The following SIRT1 variants were observed in gnomAD, a reference collection of about 807,000 sequenced individuals.
SIRT1 encodes NAD-dependent protein deacetylase sirtuin-1.
Under a neutral mutation model 67.9 loss-of-function variants are expected in SIRT1, and 24 were observed. The observed-to-expected ratio is 0.35, with a 90% CI of 0.26 to 0.50. SIRT1 has a LOEUF of 0.50. SIRT1 is among the 20% of genes least tolerant of loss of function. The probability of loss-of-function intolerance (pLI) is 0.98; values close to 1 mark genes in which losing one functional copy is unlikely to be tolerated. For synonymous variants in SIRT1, 378 were observed against 350.7 expected, an observed-to-expected ratio of 1.08 and a Z score of -0.87; for missense variants, 873 against 937.2, an observed-to-expected ratio of 0.93 and a Z score of 0.89.
chr10:67,913,488 C>A (rs7091896), intron 8 of SIRT1, among the ~76,000 whole-genome samples: 2 of 151,986 alleles, frequency 1.3e-5, no homozygotes, highest in African/African-American at 2.4e-5. Context: ...GAGCCTGCCC[C>A]CTTAACTACT....
At chr10:67,910,546 A>T (rs1842883132) in intron 7 of SIRT1, among the ~76,000 whole-genome samples, 1 of 152,122 alleles carries the variant, frequency 6.6e-6, no homozygotes, top group African/African-American at 2.4e-5. Context: ...ATATTTTTTG[A>T]TTACAGTTTT....
chr10:67,907,731 AG>A (rs1842842915), intron 5 of SIRT1, among the ~76,000 whole-genome samples: 1 of 152,170 alleles, frequency 6.6e-6, no homozygotes, highest in South Asian at 2.1e-4. Context: ...GCAGGATTTT[AG>A]CCCTGGAGGA....
In SIRT1 at chr10:67,918,389, T is replaced by G. The variant is rs1373664767; in HGVS notation, c.*1796T>G. 2 of 152,644 alleles carry G rather than the reference T, an allele frequency of 1.3e-5. No homozygotes were observed. The highest frequency in any genetic ancestry group is 1.5e-5 in the Non-Finnish European group (1 of 68,042). 9.5% of individuals were successfully genotyped at this position (152,644 alleles called of 1,614,324 possible). On this transcript the variant is annotated 3_prime_UTR_variant, in exon 9 of 9. Coordinates refer to ENST00000212015, the MANE Select transcript of SIRT1 (RefSeq NM_012238.5). The stretch of plus-strand genomic sequence containing the variant: ...GTCATTTGACTTTTTTCTGTTAACT[T>G]ACATTGTTTAAGGTATATAATTTTT...
At chr10:67,903,609 G>A (rs1446337548) in intron 4 of SIRT1, among the ~76,000 whole-genome samples, 1 of 151,934 alleles carries the variant, frequency 6.6e-6, no homozygotes, top group Non-Finnish European at 1.5e-5. Flanking sequence ...GGATGGTCTC[G>A]ATCTTCTGAC....
At chr10:67,910,779 ATTTC>A (rs1452737223) in intron 7 of SIRT1, among the ~76,000 whole-genome samples, 2 of 152,194 alleles carry the variant, frequency 1.3e-5, no homozygotes, top group East Asian at 1.9e-4. Context: ...TCTCAGGAAA[ATTTC>A]TTTGTCATAT....
rs2131889791 is a variant in SIRT1, at chr10:67,912,668, CAAAA to C, written c.1554_1557del (p.Lys519AsnfsTer32). 1.2e-6 allele frequency: 2 copies of C among 1,614,108 alleles called. No individual in the cohort carries two copies. The highest frequency in any genetic ancestry group is 4.5e-5 in the East Asian group (2 of 44,866). On this transcript the variant is annotated frameshift_variant, in exon 8 of 9. Transcript: ENST00000212015. LOFTEE classifies it high-confidence loss of function. ...AATTACTGAAAAACCTCCACGAACA[CAAAA>C]AGAATTGGCTTATTTGTCAGAGTTG...
chr10:67,900,239 G>C lies in SIRT1; in HGVS notation c.943-6551G>C, dbSNP rs191060253. 2.0e-5 allele frequency among the ~76,000 whole-genome samples: 3 copies of C among 151,808 alleles called. No homozygotes were observed. The South Asian group carries it at 6.3e-4, about 32-fold the overall frequency. On this transcript the variant is annotated intron_variant, in intron 4 of 8. Transcript: ENST00000212015. ...TGGCTCACTGCAACCTCTGCCTCCC[G>C]GGTTCAAGTGATTCTCCCGCTTCAG...
chr10:67,913,430 T>G (rs1216693112), intron 8 of SIRT1, among the ~76,000 whole-genome samples: 1 of 152,220 alleles, frequency 6.6e-6, no homozygotes, highest in African/African-American at 2.4e-5. Context: ...GCACAGTAAC[T>G]ACTAAGAAGT....
intron 4 of SIRT1, among the ~76,000 whole-genome samples, chr10:67,897,764 C>A (rs1842680576): frequency 6.6e-6 from 1 of 151,866 alleles, no homozygotes; most frequent in Non-Finnish European, 1.5e-5. Flanking sequence ...TCCTAAAGTT[C>A]TGGGATTACA....
intron 4 of SIRT1, among the ~76,000 whole-genome samples, chr10:67,905,352 T>A (rs538206177): frequency 3.3e-5 from 5 of 152,382 alleles, no homozygotes; most frequent in Admixed American, 2.0e-4. Flanking sequence ...TATTAAGCTT[T>A]TCCCTTGCTA....
In SIRT1 at chr10:67,917,261, G is replaced by A. The variant is rs200693736; in HGVS notation, c.*668G>A. On this transcript the variant is annotated 3_prime_UTR_variant, in exon 9 of 9. Transcript: ENST00000212015. ...AGAATTTCAGGATTATTGTATTTAC[G>A]TTCAAATGAAGATGGCTTTTGTACT... 2.0e-5 allele frequency: 3 copies of A among 152,520 alleles called. No homozygotes were observed. The highest frequency in any genetic ancestry group is 7.2e-5 in the African/African-American group (3 of 41,418). The allele number at this position is 152,520 out of a possible 1,614,324, so 9.4% of individuals were successfully genotyped here.
At chr10:67,900,690 T>C (rs962019860) in intron 4 of SIRT1, among the ~76,000 whole-genome samples, 2 of 152,116 alleles carry the variant, frequency 1.3e-5, no homozygotes, top group South Asian at 2.1e-4. Flanking sequence ...GTGATTCTGC[T>C]GCCTCAGCTA....
rs1204077491 is a variant in SIRT1 at position 67,918,241 on chromosome 10, CTT to C, written c.*1651_*1652del. The C allele has an allele frequency of 6.6e-5, 10 of 152,554 alleles. No homozygotes were observed. Among genetic ancestry groups the C allele is most frequent in the Middle Eastern group, 3.2e-3 (1 of 316 alleles). 9.5% of individuals were successfully genotyped at this position (152,554 alleles called of 1,614,324 possible). On this transcript the variant is annotated 3_prime_UTR_variant, in exon 9 of 9. Transcript: ENST00000212015. Reference sequence around the variant, plus strand: ...CAGCTCTTTTTATATTGTACATAGTCTTTTATGTAATTTACTGGCATATGTTT... The same window carrying C: ...CAGCTCTTTTTATATTGTACATAGTCTTATGTAATTTACTGGCATATGTTT...
chr10:67,907,971 T>C, intron 5 of SIRT1, 75 bp from the exon 6 acceptor site: 1 of 1,269,252 alleles, frequency 7.9e-7, no homozygotes. Flanking sequence ...GATGTTAAAC[T>C]TTATAACGTT....
At chr10:67,899,900 A>G (rs1050239605) in intron 4 of SIRT1, among the ~76,000 whole-genome samples, 5 of 152,122 alleles carry the variant, frequency 3.3e-5, no homozygotes, top group Non-Finnish European at 5.9e-5. Flanking sequence ...CCTGGCAAAC[A>G]TGGTGAAACC....
In SIRT1 at chr10:67,887,278, C is replaced by G. The variant is rs1006737707; in HGVS notation, c.431-139C>G. The G allele has an allele frequency of 3.3e-5, 20 of 613,200 alleles. 1 individual carries two copies. Among genetic ancestry groups the G allele is most frequent in the South Asian group, 2.4e-4 (13 of 55,012 alleles). 38.0% of individuals were successfully genotyped at this position (613,200 alleles called of 1,614,324 possible). A position where few individuals can be genotyped will look rare whatever the true frequency, so the allele number is the denominator to read the frequency against. ...AAACTGTTCCAATGAACAGTGCAAG[C>G]TGACCCCATAGGCATGCTTTACACA... On this transcript the variant is annotated intron_variant, in intron 1 of 8. Coordinates refer to ENST00000212015, the MANE Select transcript of SIRT1 (RefSeq NM_012238.5).
In SIRT1 at chr10:67,887,476, G is replaced by A; in HGVS notation, c.490G>A (p.Glu164Lys). 3 of 1,613,878 alleles carry A rather than the reference G, an allele frequency of 1.9e-6. No individual in the cohort carries two copies. The highest frequency in any genetic ancestry group is 2.5e-6 in the Non-Finnish European group (3 of 1,179,800). Residue 164 changes from glutamate (E) to lysine (K), a missense_variant, in exon 2 of 9, where the codon GAG becomes AAG. Physicochemically the swap from Glu to Lys is moderately conservative, Grantham distance 56 (BLOSUM62 1). Transcript: ENST00000212015. ...TGGTTTTCATTCCTGTGAAAGTGAT[G>A]AGGAGGATAGAGCCTCACATGCAAG... ...TNGFHSCESDEEDRASHASSS... is the reference protein window; with the variant it reads ...TNGFHSCESDKEDRASHASSS...
In SIRT1 at chr10:67,912,675, A is replaced by C; in HGVS notation, c.1559A>C (p.Glu520Ala). Residue 520 changes from glutamate to alanine, a missense_variant, in exon 8 of 9, where the codon GAA becomes GCA. Around this residue, in one of 3 missense-constraint regions of SIRT1, gnomAD observed 295 missense variants for 294.5 expected, o/e 1.00. Coordinates refer to ENST00000212015, the MANE Select transcript of SIRT1 (RefSeq NM_012238.5). ...ITEKPPRTQKELAYLSELPPT... is the reference protein window; with the variant it reads ...ITEKPPRTQKALAYLSELPPT... ...GAAAAACCTCCACGAACACAAAAAG[A>C]ATTGGCTTATTTGTCAGAGTTGCCA... 6.2e-7 allele frequency: 1 copy of C among 1,614,158 alleles called. No individual in the cohort carries two copies. Among genetic ancestry groups the C allele is most frequent in the South Asian group, 1.1e-5 (1 of 91,082 alleles).
At chr10:67,886,382 TAGGAGTTTC>T (rs960450570) in intron 1 of SIRT1, among the ~76,000 whole-genome samples, 3 of 151,836 alleles carry the variant, frequency 2.0e-5, no homozygotes, top group Non-Finnish European at 4.4e-5. Flanking sequence ...CTCTTGAGCC[TAGGAGTTTC>T]AGGCCAGCCT....
Sources: allele counts gnomAD v4.1 joint callset (sites outside exome capture counted in the v4.1 genomes callset), GRCh38; gene constraint gnomAD v4.1.1; regional missense constraint gnomAD v4.1.1; transcripts MANE v1.5; gene names NCBI Gene and HGNC (gene_info 2026-07-23, HGNC 2026-07-21).